The following MARCHF11 variants were observed in gnomAD, a reference collection of about 807,000 sequenced individuals.
The protein encoded by MARCHF11 is E3 ubiquitin-protein ligase MARCHF11.
In MARCHF11, 29 loss-of-function variants were observed where a neutral mutation model predicts 37.3. That is an observed-to-expected ratio of 0.78 (90% CI 0.58 to 1.06). The LOEUF (loss-of-function observed/expected upper bound fraction) is 1.06. MARCHF11 is among the 50% of genes least tolerant of loss of function. MARCHF11 has a pLI of 0.00. For missense variants in MARCHF11, 482 were observed against 533.4 expected, an observed-to-expected ratio of 0.90 and a Z score of 0.95; for synonymous variants, 233 against 228.0, an observed-to-expected ratio of 1.02 and a Z score of -0.20.
chr5:16,151,757 A>G (rs995977702), intron 2 of MARCHF11, among the ~76,000 whole-genome samples: 4 of 151,114 alleles, frequency 2.6e-5, no homozygotes, highest in African/African-American at 7.3e-5. Flanking sequence ...TATTGCTGCA[A>G]GTAAACATTT....
At chr5:16,121,496 A>G (rs1737308901) in intron 2 of MARCHF11, among the ~76,000 whole-genome samples, 1 of 152,226 alleles carries the variant, frequency 6.6e-6, no homozygotes, top group Non-Finnish European at 1.5e-5. Context: ...AATATAAAAT[A>G]GCAATAACTA....
chr5:16,078,990 C>T (rs1202196338), intron 3 of MARCHF11, among the ~76,000 whole-genome samples: 1 of 152,102 alleles, frequency 6.6e-6, no homozygotes, highest in African/African-American at 2.4e-5. Flanking sequence ...CACACGTGCA[C>T]ACTCATATAT....
intron 3 of MARCHF11, among the ~76,000 whole-genome samples, chr5:16,083,847 A>C (rs1736650924): frequency 6.6e-6 from 1 of 152,232 alleles, no homozygotes; most frequent in Admixed American, 6.5e-5. Context: ...ATAGAAAGCA[A>C]ACTACAAGGA....
At chr5:16,178,371 C>A (rs75919735) in intron 1 of MARCHF11, among the ~76,000 whole-genome samples, 20,265 of 152,198 alleles carry the variant, frequency 0.13, 1,385 homozygotes, top group South Asian at 0.2. Flanking sequence ...AAACATTACA[C>A]CTAATCTTTT....
intron 2 of MARCHF11, among the ~76,000 whole-genome samples, chr5:16,142,882 GGCT>G (rs1737736346): frequency 2.9e-5 from 3 of 101,918 alleles, no homozygotes; most frequent in Admixed American, 1.3e-4. Flanking sequence ...CACCACACCT[GGCT>G]TTTTTTTTTT....
At chr5:16,177,579 G>T in intron 2 of MARCHF11, 147 bp downstream of exon 2, 3 of 575,152 alleles carry the variant, frequency 5.2e-6, no homozygotes, top group Non-Finnish European at 5.4e-6. Context: ...AAAAACACAT[G>T]TTTACAAATT....
At chr5:16,152,314 C>G (rs1306832358) in intron 2 of MARCHF11, among the ~76,000 whole-genome samples, 3 of 151,924 alleles carry the variant, frequency 2.0e-5, no homozygotes, top group Non-Finnish European at 4.4e-5. Flanking sequence ...TTCCAAGTTT[C>G]TGGGACAAGC....
chr5:16,119,670 A>G (rs1455587577), intron 2 of MARCHF11, among the ~76,000 whole-genome samples: 1 of 152,086 alleles, frequency 6.6e-6, no homozygotes, highest in Non-Finnish European at 1.5e-5. Flanking sequence ...AAAAATGCCT[A>G]TTCATGAACA....
intron 2 of MARCHF11, among the ~76,000 whole-genome samples, chr5:16,151,421 T>C (rs1197245257): frequency 6.6e-6 from 1 of 151,940 alleles, no homozygotes; most frequent in Non-Finnish European, 1.5e-5. Flanking sequence ...AAGTTGCACA[T>C]TTTATACTCA....
At chr5:16,102,255 G>C (rs539723482) in intron 2 of MARCHF11, among the ~76,000 whole-genome samples, 1 of 152,242 alleles carries the variant, frequency 6.6e-6, no homozygotes, top group East Asian at 1.9e-4. Flanking sequence ...CATGGAACTG[G>C]GCTTTGCCTC....
intron 2 of MARCHF11, among the ~76,000 whole-genome samples, chr5:16,147,030 A>C (rs1444434554): frequency 1.3e-5 from 2 of 152,190 alleles, no homozygotes; most frequent in Non-Finnish European, 2.9e-5. Flanking sequence ...AAATACTGGA[A>C]GTATTTTCTC....
chr5:16,069,718 G>C (rs1389791737), intron 3 of MARCHF11, among the ~76,000 whole-genome samples: 2 of 152,126 alleles, frequency 1.3e-5, no homozygotes, highest in East Asian at 3.9e-4. Flanking sequence ...AGTTTTTAAG[G>C]CTGGAGGAAT....
intron 2 of MARCHF11, among the ~76,000 whole-genome samples, chr5:16,156,217 T>C (rs1737975816): frequency 6.6e-6 from 1 of 151,966 alleles, no homozygotes; most frequent in African/African-American, 2.4e-5. Context: ...TGCTTGGTTT[T>C]GATCAGACAT....
chr5:16,069,563 T>C (rs1423901430), intron 3 of MARCHF11, among the ~76,000 whole-genome samples: 1 of 151,494 alleles, frequency 6.6e-6, no homozygotes, highest in Non-Finnish European at 1.5e-5. Context: ...ATTTGGGGAG[T>C]TGGGGAGATA....
At chr5:16,149,413 A>G (rs888924059) in intron 2 of MARCHF11, among the ~76,000 whole-genome samples, 1 of 152,154 alleles carries the variant, frequency 6.6e-6, no homozygotes, top group Non-Finnish European at 1.5e-5. Context: ...GCGAATGCAG[A>G]GCTACTAAAG....
intron 3 of MARCHF11, among the ~76,000 whole-genome samples, chr5:16,072,704 GCA>G (rs1736459389): frequency 6.6e-6 from 1 of 152,138 alleles, no homozygotes; most frequent in African/African-American, 2.4e-5. Flanking sequence ...TGATTGAACA[GCA>G]CACAGAGTTT....
chr5:16,122,396 A>G (rs1737325509), intron 2 of MARCHF11, among the ~76,000 whole-genome samples: 1 of 152,190 alleles, frequency 6.6e-6, no homozygotes, highest in Admixed American at 6.5e-5. Flanking sequence ...TCCTTTGGTC[A>G]GCAATCTGGA....
intron 2 of MARCHF11, among the ~76,000 whole-genome samples, chr5:16,106,956 G>A (rs183343595): frequency 3.3e-5 from 5 of 152,172 alleles, no homozygotes; most frequent in Non-Finnish European, 5.9e-5. Context: ...AATCTTTCTT[G>A]TCAGTTCAAG....
chr5:16,121,106 G>C (rs1255167535), intron 2 of MARCHF11, among the ~76,000 whole-genome samples: 2 of 152,190 alleles, frequency 1.3e-5, no homozygotes, highest in African/African-American at 4.8e-5. Context: ...CTTTGTGCTT[G>C]CTATTCCTGA....
Sources: gnomAD v4.1 joint callset for allele counts (sites outside exome capture counted in the v4.1 genomes callset) on GRCh38, gnomAD v4.1.1 for gene constraint, MANE v1.5 for transcripts, NCBI Gene and HGNC (gene_info 2026-07-23, HGNC 2026-07-21) for gene names.